SBNO2: variants seen among roughly 807,000 people sequenced by gnomAD.
SBNO2 encodes protein strawberry notch homolog 2.
Under a neutral mutation model 146.3 loss-of-function variants are expected in SBNO2, and 89 were observed. The observed-to-expected ratio is 0.61, with a 90% confidence interval of 0.51 to 0.73. SBNO2 has a LOEUF of 0.73. Among genes scored for constraint, SBNO2 ranks in the 30% least tolerant of loss-of-function variants. The pLI is 0.00. For missense variants in SBNO2, 2,092 were observed against 2,003.7 expected (o/e 1.04, Z -0.84); for synonymous variants, 1,147 against 892.6 (o/e 1.29, Z -5.08).
intron 7 of SBNO2, 67 bp from the exon 8 acceptor site, chr19:1,123,112 C>A: frequency 6.5e-7 from 1 of 1,539,726 alleles, no homozygotes. Context: ...CCGGTTATGG[C>A]ACGCTGGGCG....
rs923692235 is a variant in SBNO2 at position 1,111,357 on chromosome 19, C to T, written c.2809+149G>A. The T allele has an allele frequency of 1.1e-5, 8 of 726,720 alleles. No homozygotes were observed. In the East Asian group the frequency reaches 1.9e-4, roughly 17 times the overall value. 45.0% of individuals were successfully genotyped at this position (726,720 alleles called of 1,614,324 possible). A position where few individuals can be genotyped will look rare whatever the true frequency, so the allele number is the denominator to read the frequency against. ...AGCTGCTGGGGGCCGCCTTGGCTCC[C>T]TTTGCCTTCACAGCCCTCTCTGTCC... On this transcript the variant is annotated intron_variant, in intron 24 of 31. Coordinates refer to ENST00000361757, the MANE Select transcript of SBNO2 (RefSeq NM_014963.3).
At chr19:1,133,572 C>T (rs1053378181) in intron 4 of SBNO2, among the ~76,000 whole-genome samples, 5 of 152,248 alleles carry the variant, frequency 3.3e-5, no homozygotes, top group Non-Finnish European at 7.3e-5. Flanking sequence ...TGCCACGACC[C>T]ATCACCTCCT....
intron 2 of SBNO2, among the ~76,000 whole-genome samples, chr19:1,149,766 T>C (rs975073618): frequency 3.3e-4 from 50 of 152,296 alleles, no homozygotes; most frequent in African/African-American, 1.1e-3. Context: ...ACACAAGACC[T>C]GGGGGTGCCG....
rs137918470 is a variant in SBNO2 at position 1,140,244 on chromosome 19, G to C, written c.279+7065C>G. Among the ~76,000 whole-genome samples, 1,885 of 151,560 alleles carry C rather than the reference G, an allele frequency of 0.012. 46 individuals carry two copies. Among genetic ancestry groups the C allele is most frequent in the African/African-American group, 0.043 (1,786 of 41,280 alleles). On this transcript the variant is annotated intron_variant, in intron 4 of 31. Coordinates refer to ENST00000361757, the MANE Select transcript of SBNO2 (RefSeq NM_014963.3). This position sits in a 1 kb window ranked among gnomAD's most constrained non-coding sequence, Gnocchi z 4.4. Reference sequence around the variant, plus strand: ...GAACCCAGGAGGCGTTGGTTGCAGTGAGCCGAGGTCACGCCACTGCACTCC... The same window carrying C: ...GAACCCAGGAGGCGTTGGTTGCAGTCAGCCGAGGTCACGCCACTGCACTCC...
intron 14 of SBNO2, among the ~76,000 whole-genome samples, chr19:1,118,359 C>A (rs1041458239): frequency 2.6e-5 from 4 of 151,884 alleles, no homozygotes; most frequent in East Asian, 3.9e-4. Flanking sequence ...AAAAAAAAAA[C>A]CATCGAACAT....
chr19:1,125,460 T>G (rs1157259527), intron 5 of SBNO2, among the ~76,000 whole-genome samples: 2 of 151,070 alleles, frequency 1.3e-5, no homozygotes, highest in African/African-American at 4.9e-5. Context: ...CACCTGAGGT[T>G]GGGAGTTCAA....
intron 4 of SBNO2, among the ~76,000 whole-genome samples, chr19:1,131,760 C>A (rs926653352): frequency 6.6e-6 from 1 of 152,202 alleles, no homozygotes; most frequent in Non-Finnish European, 1.5e-5. Flanking sequence ...GCAGCCCTCC[C>A]GACAGCCACT....
chr19:1,108,439 G>C lies in SBNO2; in HGVS notation c.3882C>G (p.Pro1294=). ...AGPGVVPLGT[P]DAQADPAALA... ...GGGCCGCAGGGTCGGCCTGGGCGTC[G>C]GGGGTGCCCAGCGGCACGACGCCGG... Residue 1294 remains proline (P), a synonymous_variant, in exon 32 of 32, where the codon CCC becomes CCG. Coordinates refer to ENST00000361757, the MANE Select transcript of SBNO2 (RefSeq NM_014963.3). The C allele has an allele frequency of 8.0e-7, 1 of 1,248,778 alleles. No homozygotes were observed. The highest frequency in any genetic ancestry group is 2.1e-5 in the South Asian group (1 of 46,918). The allele number at this position is 1,248,778 out of a possible 1,614,324, so 77.4% of individuals were successfully genotyped here. A position where few individuals can be genotyped will look rare whatever the true frequency, so the allele number is the denominator to read the frequency against.
chr19:1,119,875 G>C, intron 12 of SBNO2, 31 bp downstream of exon 12: 1 of 1,477,370 alleles, frequency 6.8e-7, no homozygotes, highest in Non-Finnish European at 9.2e-7. Flanking sequence ...CGCTGCTGCG[G>C]GTGGGTCACG....
chr19:1,120,034 C>G lies in SBNO2; in HGVS notation c.1150-11G>C. 1 of 1,548,434 alleles carries G rather than the reference C, an allele frequency of 6.5e-7. No homozygotes were observed. Among genetic ancestry groups the G allele is most frequent in the South Asian group, 1.2e-5 (1 of 84,028 alleles). On this transcript the variant is annotated splice_polypyrimidine_tract_variant and intron_variant, in intron 11 of 31. Coordinates refer to ENST00000361757, the MANE Select transcript of SBNO2 (RefSeq NM_014963.3). ...CTCGTCGAACACGATCTGAGGCACA[C>G]GTGGGTTAAGGAGTATTCTGAAGGA...
chr19:1,161,814 T>A (rs1474712389), intron 1 of SBNO2, among the ~76,000 whole-genome samples: 1 of 149,652 alleles, frequency 6.7e-6, no homozygotes, highest in African/African-American at 2.5e-5. Context: ...AGGTGGTGGG[T>A]GTCATGGCTC....
rs377201548 is a variant in SBNO2 at position 1,111,029 on chromosome 19, G to A, written c.2874C>T (p.Asp958=). 2.1e-5 allele frequency: 33 copies of A among 1,581,892 alleles called. No individual in the cohort carries two copies. The highest frequency in any genetic ancestry group is 5.4e-5 in the African/African-American group (4 of 74,052). Residue 958 remains aspartate (D), a synonymous_variant, in exon 25 of 32, where the codon GAC becomes GAT. Transcript: ENST00000361757. ...GTGTGGGGCACTCACCCTTCTCCAC[G>A]TCCAGGCAGCCATTCCGGGACTCCC... ...GGRESRNGCL[D]VEKDCSITKF...
intron 2 of SBNO2, among the ~76,000 whole-genome samples, chr19:1,151,444 A>G (rs796524666): frequency 9.1e-4 from 139 of 152,320 alleles, no homozygotes; most frequent in Middle Eastern, 3.4e-3. Flanking sequence ...CCTCCCTCCC[A>G]CAGCCCATGG....
At chr19:1,116,272 G>A (rs1051918062) in intron 16 of SBNO2, among the ~76,000 whole-genome samples, 169 bp from the exon 17 acceptor site, 8 of 152,070 alleles carry the variant, frequency 5.3e-5, no homozygotes, top group African/African-American at 1.7e-4. Context: ...GGGGCTGCCT[G>A]TGAGCTCTCC....
intron 13 of SBNO2, 136 bp downstream of exon 13, chr19:1,119,380 T>A: frequency 1.1e-6 from 1 of 874,478 alleles, no homozygotes; most frequent in African/African-American, 1.7e-5. Context: ...CCCGAGGCAG[T>A]GAAACGAGCG....
In SBNO2 at chr19:1,150,239, C is replaced by T. The variant is rs149065196; in HGVS notation, c.94-797G>A. ...TTGGGAATGAGAGCGGCTTGAGGCA[C>T]ACGGCAGGCCCCAAAACCTGAGGAT... On this transcript the variant is annotated intron_variant, in intron 2 of 31. Transcript: ENST00000361757. The surrounding 1 kb of genome is among the most constrained non-coding windows in gnomAD (Gnocchi z 6.2). Among the ~76,000 whole-genome samples, 17 of 152,264 alleles carry T rather than the reference C, an allele frequency of 1.1e-4. No individual in the cohort carries two copies. The East Asian group carries it at 3.3e-3, about 29-fold the overall frequency.
Position 1,110,481 on chromosome 19 carries a change from G to A in SBNO2, c.3028+264C>T, listed in dbSNP as rs970941036. On this transcript the variant is annotated intron_variant, in intron 26 of 31. Transcript: ENST00000361757. The surrounding 1 kb of genome is among the most constrained non-coding windows in gnomAD (Gnocchi z 4.9). ...CCCTCGCTCACCCAGGATGCATGGC[G>A]CTTCCACGAGCCCCTTGCCCACCTA... is the stretch of plus-strand genomic sequence containing the variant. Among the ~76,000 whole-genome samples the A allele has an allele frequency of 1.3e-5, 2 of 151,494 alleles. No individual in the cohort carries two copies. Among genetic ancestry groups the A allele is most frequent in the Admixed American group, 6.6e-5 (1 of 15,228 alleles).
intron 24 of SBNO2, among the ~76,000 whole-genome samples, 161 bp downstream of exon 24, chr19:1,111,345 C>T (rs866574071): frequency 1.1e-4 from 16 of 152,274 alleles, no homozygotes; most frequent in Middle Eastern, 3.4e-3. Flanking sequence ...TGCTGGGGGC[C>T]GCCTTGGCTC....
Position 1,140,583 on chromosome 19 carries a change from C to T in SBNO2, c.279+6726G>A, listed in dbSNP as rs918559549. Among the ~76,000 whole-genome samples, 2 of 151,542 alleles carry T rather than the reference C, an allele frequency of 1.3e-5. No individual in the cohort carries two copies. Among genetic ancestry groups the T allele is most frequent in the Non-Finnish European group, 2.9e-5 (2 of 67,872 alleles). ...GTGGATGCCAGCAGCGGCATCCTGG[C>T]GCAGCGTGAGCCCCAGGGGTGGGGG... On this transcript the variant is annotated intron_variant, in intron 4 of 31. Transcript: ENST00000361757. This position sits in a 1 kb window ranked among gnomAD's most constrained non-coding sequence, Gnocchi z 4.4.
Sources: gnomAD v4.1 joint callset for allele counts (sites outside exome capture counted in the v4.1 genomes callset) on GRCh38, gnomAD v4.1.1 for gene constraint, Gnocchi (gnomAD v3.1) non-coding constraint, MANE v1.5 for transcripts, NCBI Gene and HGNC (gene_info 2026-07-23, HGNC 2026-07-21) for gene names.